The following IFNLR1 variants were observed in gnomAD, a reference collection of about 807,000 sequenced individuals.
IFNLR1 encodes interferon lambda receptor 1.
A neutral mutation model predicts 52.5 loss-of-function variants in IFNLR1; 28 were observed. The ratio of observed to expected loss-of-function variants is 0.53; its 90% CI spans 0.40 to 0.73. IFNLR1 has a LOEUF of 0.73. Ranked by LOEUF, IFNLR1 falls within the 30% of genes least tolerant of loss-of-function variation. IFNLR1 has a pLI of 0.00. For synonymous variants in IFNLR1, 276 were observed against 274.9 expected (o/e 1.00, Z -0.04); for missense variants, 623 against 659.1 (o/e 0.95, Z 0.60).
intron 1 of IFNLR1, among the ~76,000 whole-genome samples, chr1:24,183,682 G>GCCCT (rs1403751570): frequency 3.3e-5 from 5 of 152,110 alleles, no homozygotes. Context: ...TTCTGCTTAA[G>GCCCT]CCCTCTAAAG....
rs1202408113 is a variant in IFNLR1, at chr1:24,157,471, C to T, written c.1222G>A (p.Ala408Thr). The change falls in exon 7 of 7, where the codon GCT becomes ACT. Residue 408 changes from alanine to threonine, a missense_variant. Transcript: ENST00000327535. The surrounding 1 kb of genome is among the most constrained non-coding windows in gnomAD (Gnocchi z 5.1). Reference sequence around the variant, plus strand: ...GGCCCTTGGCCTGGCCCCTTCTCAGCCAAATAGCCAGAGGACCCAGCCCTG... The same window carrying T: ...GGCCCTTGGCCTGGCCCCTTCTCAGTCAAATAGCCAGAGGACCCAGCCCTG... ...WDRAGSSGYL[A>T]EKGPGQGPGG... is the part of the protein sequence containing the mutation. 6.8e-6 allele frequency: 11 copies of T among 1,613,520 alleles called. No individual in the cohort carries two copies. Among genetic ancestry groups the T allele is most frequent in the Non-Finnish European group, 9.3e-6 (11 of 1,179,742 alleles).
Position 24,159,037 on chromosome 1 carries a change from C to G in IFNLR1, c.801+15G>C, listed in dbSNP as rs1644411105. On this transcript the variant is annotated intron_variant, in intron 6 of 6. Coordinates refer to ENST00000327535, the MANE Select transcript of IFNLR1 (RefSeq NM_170743.4). ...ACCCCTCCCCACCTGCTGCACACCC[C>G]CAGATTTGCTATACCAGGGCCCGTG... 1.2e-6 allele frequency: 2 copies of G among 1,613,098 alleles called. No individual in the cohort carries two copies. The highest frequency in any genetic ancestry group is 1.7e-6 in the Non-Finnish European group (2 of 1,179,428).
rs757115641 is a variant in IFNLR1, at chr1:24,169,508, C to G, written c.276G>C (p.Leu92=). 5.6e-6 allele frequency: 9 copies of G among 1,614,210 alleles called. No homozygotes were observed. The South Asian group carries it at 9.9e-5, about 18-fold the overall frequency. Reference sequence around the variant, plus strand: ...GCACGCGTCCCTTGAACTTGTTGTACAGGTCCTGTTTCTTCAGGCACATCA... The same window carrying G: ...GCACGCGTCCCTTGAACTTGTTGTAGAGGTCCTGTTTCTTCAGGCACATCA... The part of the protein sequence containing the change: ...CSMMCLKKQD[L]YNKFKGRVRT... Residue 92 remains leucine, a synonymous_variant, in exon 3 of 7, where the codon CTG becomes CTC. Coordinates refer to ENST00000327535, the MANE Select transcript of IFNLR1 (RefSeq NM_170743.4).
intron 1 of IFNLR1, among the ~76,000 whole-genome samples, chr1:24,185,556 C>T (rs1186473614): frequency 1.3e-5 from 2 of 152,232 alleles, no homozygotes; most frequent in Non-Finnish European, 2.9e-5. Flanking sequence ...GCTGCCTACC[C>T]ATCACCTTCT....
At chr1:24,178,733 C>A (rs1352460510) in intron 2 of IFNLR1, among the ~76,000 whole-genome samples, 2 of 152,034 alleles carry the variant, frequency 1.3e-5, no homozygotes, top group African/African-American at 4.8e-5. Context: ...GATAAGGAAC[C>A]AATTCATTAT....
intron 4 of IFNLR1, among the ~76,000 whole-genome samples, chr1:24,160,405 C>T (rs1644429930): frequency 6.6e-6 from 1 of 152,204 alleles, no homozygotes. Flanking sequence ...CAGAATTGCT[C>T]ATTGAAATGA....
intron 2 of IFNLR1, among the ~76,000 whole-genome samples, chr1:24,170,301 G>A (rs933418895): frequency 6.6e-6 from 1 of 152,182 alleles, no homozygotes; most frequent in African/African-American, 2.4e-5. Flanking sequence ...CCATTCTAAG[G>A]TATTTTGTTA....
At chr1:24,164,988 C>T (rs941529681) in intron 3 of IFNLR1, among the ~76,000 whole-genome samples, 3 of 152,140 alleles carry the variant, frequency 2.0e-5, no homozygotes, top group Non-Finnish European at 4.4e-5. Flanking sequence ...GTCTCAAACT[C>T]CTGACCTCAG....
intron 2 of IFNLR1, among the ~76,000 whole-genome samples, 194 bp downstream of exon 2, chr1:24,180,537 C>T (rs1290478800): frequency 6.6e-6 from 1 of 152,130 alleles, no homozygotes; most frequent in Non-Finnish European, 1.5e-5. Flanking sequence ...CACTGCTCTT[C>T]ATTCAACATC....
chr1:24,162,335 A>C (rs914818937), intron 3 of IFNLR1, among the ~76,000 whole-genome samples: 1 of 152,154 alleles, frequency 6.6e-6, no homozygotes, highest in Non-Finnish European at 1.5e-5. Context: ...AAACGGCACC[A>C]TGGAGTCCTG....
At chr1:24,165,513 C>T (rs955543205) in intron 3 of IFNLR1, among the ~76,000 whole-genome samples, 5 of 152,230 alleles carry the variant, frequency 3.3e-5, no homozygotes, top group Admixed American at 2.0e-4. Flanking sequence ...CACATTCCTA[C>T]CGATAGTCTG....
In IFNLR1 at chr1:24,156,949, G is replaced by A. The variant is rs2148583531; in HGVS notation, c.*181C>T. On this transcript the variant is annotated 3_prime_UTR_variant, in exon 7 of 7. Transcript: ENST00000327535. ...TCAGCCTAAAGAGGGCGGGTCACAG[G>A]AGGGAGGGGCATCTTGTTGCTCAGC... 1 of 656,064 alleles carries A rather than the reference G, an allele frequency of 1.5e-6. No individual in the cohort carries two copies. The highest frequency in any genetic ancestry group is 1.8e-5 in the African/African-American group (1 of 55,098). The allele number at this position is 656,064 out of a possible 1,614,324, so 40.6% of individuals were successfully genotyped here.
intron 3 of IFNLR1, among the ~76,000 whole-genome samples, chr1:24,162,792 C>A: frequency 1.6e-5 from 1 of 63,454 alleles, no homozygotes; most frequent in East Asian, 5.1e-4. Flanking sequence ...CTTTCTTTTT[C>A]TTTCTTTCTT....
At chr1:24,158,727 G>A (rs1307438444) in intron 6 of IFNLR1, among the ~76,000 whole-genome samples, 1 of 152,118 alleles carries the variant, frequency 6.6e-6, no homozygotes, top group Non-Finnish European at 1.5e-5. Flanking sequence ...GTCCCCTTTG[G>A]TGCCTCCTCT....
At chr1:24,182,876 C>T (rs1366982765) in intron 1 of IFNLR1, among the ~76,000 whole-genome samples, 3 of 152,088 alleles carry the variant, frequency 2.0e-5, no homozygotes, top group Non-Finnish European at 2.9e-5. Context: ...GCAGAGATCA[C>T]ACCACTGTAC....
chr1:24,159,737 G>GTTTTTTGTTTTTTGT, intron 4 of IFNLR1, 104 bp from the exon 5 acceptor site: 1 of 458,770 alleles, frequency 2.2e-6, no homozygotes, highest in Non-Finnish European at 3.3e-6. Context: ...TTTTTTTTTT[G>GTTTTTTGTTTTTTGT]TTTTTTTTTT....
rs1233193733 is a variant in IFNLR1 at position 24,161,555 on chromosome 1, C to T, written c.497G>A (p.Gly166Glu). 6.4e-7 allele frequency: 1 copy of T among 1,555,302 alleles called. No individual in the cohort carries two copies. Among genetic ancestry groups the T allele is most frequent in the Non-Finnish European group, 8.7e-7 (1 of 1,148,340 alleles). ...GGAGCTTCCCACCTTGTTTCCGGCC[C>T]CCTCCTTCCAGAATGCCACCTCATA... ...LKYEVAFWKE[G>E]AGNKTLFPVT... The change falls in exon 4 of 7, where the codon GGG (glycine) becomes GAG (glutamate). Residue 166 changes from glycine to glutamate, a missense_variant. By Grantham distance (98) the Gly-to-Glu change is moderately conservative. Transcript: ENST00000327535.
At chr1:24,168,589 T>TG (rs143823285) in intron 3 of IFNLR1, among the ~76,000 whole-genome samples, 190 of 149,760 alleles carry the variant, frequency 1.3e-3, no homozygotes, top group Non-Finnish European at 2.3e-3. Context: ...AAAAATAGAC[T>TG]GAAAAAAAAA....
At position 24,157,110 on chromosome 1, in the gene IFNLR1, G is replaced by A; in HGVS notation, c.*20C>T. On this transcript the variant is annotated 3_prime_UTR_variant, in exon 7 of 7. Transcript: ENST00000327535. This position sits in a 1 kb window ranked among gnomAD's most constrained non-coding sequence, Gnocchi z 5.1. ...AAAGGCAGCAGCAGCATCAGATTCG[G>A]TGGGATGTCGGGGGACAGCTCACCT... The A allele has an allele frequency of 6.3e-7, 1 of 1,585,754 alleles. No homozygotes were observed. Among genetic ancestry groups the A allele is most frequent in the Admixed American group, 1.7e-5 (1 of 57,156 alleles).
Sources: gnomAD v4.1 joint callset for allele counts (sites outside exome capture counted in the v4.1 genomes callset) on GRCh38, gnomAD v4.1.1 for gene constraint, Gnocchi (gnomAD v3.1) non-coding constraint, MANE v1.5 for transcripts, NCBI Gene and HGNC (gene_info 2026-07-23, HGNC 2026-07-21) for gene names.